TAFA4: variants seen among roughly 807,000 people sequenced by gnomAD.
TAFA4 encodes chemokine-like protein TAFA-4.
A neutral mutation model predicts 21.1 loss-of-function variants in TAFA4; 20 were observed. The observed-to-expected ratio is 0.95, with a 90% CI of 0.67 to 1.38. TAFA4 has a LOEUF of 1.38. TAFA4 is among the 40% of genes most tolerant of loss of function. The pLI is 0.00. For synonymous variants in TAFA4, 71 were observed against 67.4 expected (o/e 1.05, Z -0.26); for missense variants, 211 against 180.9 (o/e 1.17, Z -0.95).
chr3:68,886,338 A>G (rs901990671), intron 1 of TAFA4, among the ~76,000 whole-genome samples: 5 of 152,208 alleles, frequency 3.3e-5, no homozygotes, highest in Admixed American at 3.3e-4. Flanking sequence ...AATGGCTTTA[A>G]ATAGCTGTAT....
At chr3:68,765,647 G>A (rs925766308) in intron 3 of TAFA4, among the ~76,000 whole-genome samples, 3 of 152,198 alleles carry the variant, frequency 2.0e-5, no homozygotes, top group African/African-American at 7.2e-5. Flanking sequence ...GTAACCGCCT[G>A]TGTGTATCTT....
At chr3:68,777,702 G>A (rs561113796) in intron 3 of TAFA4, among the ~76,000 whole-genome samples, 157 of 152,220 alleles carry the variant, frequency 1.0e-3, no homozygotes, top group African/African-American at 3.6e-3. Flanking sequence ...ATAGTAATAT[G>A]CAACAGTCAT....
At chr3:68,820,797 A>G (rs1704096290) in intron 3 of TAFA4, among the ~76,000 whole-genome samples, 1 of 152,230 alleles carries the variant, frequency 6.6e-6, no homozygotes, top group Non-Finnish European at 1.5e-5. Flanking sequence ...GCTATATCAA[A>G]ACATCATTTG....
At chr3:68,921,683 C>CA (rs1418384447) in intron 1 of TAFA4, among the ~76,000 whole-genome samples, 3 of 152,010 alleles carry the variant, frequency 2.0e-5, no homozygotes, top group Non-Finnish European at 4.4e-5. Context: ...TAACATCTGC[C>CA]GAGTCTTAAC....
At chr3:68,757,394 G>A (rs1354401792) in intron 3 of TAFA4, among the ~76,000 whole-genome samples, 2 of 151,720 alleles carry the variant, frequency 1.3e-5, no homozygotes, top group Admixed American at 1.3e-4. Context: ...TCACATTTGG[G>A]GTTAGGACTT....
At chr3:68,882,192 G>A (rs760767597) in intron 2 of TAFA4, among the ~76,000 whole-genome samples, 21 of 152,132 alleles carry the variant, frequency 1.4e-4, no homozygotes, top group Admixed American at 9.8e-4. Flanking sequence ...AATTTGCAAT[G>A]CAGCAATAAA....
intron 5 of TAFA4, among the ~76,000 whole-genome samples, chr3:68,737,081 G>A (rs984381566): frequency 1.3e-5 from 2 of 152,084 alleles, no homozygotes; most frequent in Admixed American, 1.3e-4. Flanking sequence ...GTTCTACCAA[G>A]AGAACTACAG....
chr3:68,820,908 A>G (rs532046973), intron 3 of TAFA4, among the ~76,000 whole-genome samples: 1 of 152,228 alleles, frequency 6.6e-6, no homozygotes, highest in South Asian at 2.1e-4. Context: ...CCATAATTTT[A>G]GAAAATGCAA....
intron 3 of TAFA4, among the ~76,000 whole-genome samples, chr3:68,876,613 G>A (rs1184709276): frequency 1.3e-5 from 2 of 152,068 alleles, no homozygotes; most frequent in Admixed American, 1.3e-4. Flanking sequence ...ATAGGGGACA[G>A]AAAACATGGG....
intron 4 of TAFA4, among the ~76,000 whole-genome samples, chr3:68,749,623 A>G (rs1247508875): frequency 1.3e-5 from 2 of 152,176 alleles, no homozygotes; most frequent in African/African-American, 4.8e-5. Context: ...AACTTCCTAC[A>G]CTTCTCAGTG....
At chr3:68,836,315 AGAAGAGAGT>A (rs1456645940) in intron 3 of TAFA4, among the ~76,000 whole-genome samples, 1 of 152,212 alleles carries the variant, frequency 6.6e-6, no homozygotes, top group East Asian at 1.9e-4. Flanking sequence ...CCAAATGCTG[AGAAGAGAGT>A]GGTGGCTCAA....
intron 3 of TAFA4, among the ~76,000 whole-genome samples, chr3:68,796,386 C>T (rs1208156432): frequency 2.6e-5 from 4 of 152,082 alleles, no homozygotes; most frequent in African/African-American, 9.7e-5. Context: ...ATCCTTTGGC[C>T]TTAGGAACCA....
intron 3 of TAFA4, among the ~76,000 whole-genome samples, chr3:68,775,321 C>G (rs768464365): frequency 2.0e-5 from 3 of 152,194 alleles, no homozygotes; most frequent in South Asian, 2.1e-4. Flanking sequence ...TGGGGATAAG[C>G]TGTCACTGTG....
chr3:68,860,166 T>C (rs973882832), intron 3 of TAFA4, among the ~76,000 whole-genome samples: 2 of 152,296 alleles, frequency 1.3e-5, no homozygotes, highest in African/African-American at 4.8e-5. Context: ...GGTAACCTGC[T>C]GAAATGTTCC....
intron 3 of TAFA4, among the ~76,000 whole-genome samples, chr3:68,788,995 A>G (rs960164932): frequency 1.3e-5 from 2 of 151,970 alleles, no homozygotes; most frequent in African/African-American, 4.8e-5. Context: ...GCACTTTGGG[A>G]GGCTGAGGTG....
intron 3 of TAFA4, among the ~76,000 whole-genome samples, chr3:68,757,194 AT>A (rs1702675046): frequency 1.3e-5 from 2 of 152,116 alleles, no homozygotes; most frequent in Non-Finnish European, 2.9e-5. Context: ...AGCCTGTTCA[AT>A]TCTTGGTGAG....
intron 1 of TAFA4, among the ~76,000 whole-genome samples, chr3:68,931,064 A>G (rs2090153423): frequency 1.3e-5 from 2 of 152,160 alleles, no homozygotes. Flanking sequence ...AGTTTGGGTG[A>G]CCGAGTCTGC....
intron 1 of TAFA4, among the ~76,000 whole-genome samples, chr3:68,897,914 T>G (rs2089808295): frequency 6.6e-6 from 1 of 152,188 alleles, no homozygotes; most frequent in Non-Finnish European, 1.5e-5. Context: ...AGACTGTACC[T>G]CACAGGAAGT....
At chr3:68,871,118 T>A (rs1168459380) in intron 3 of TAFA4, among the ~76,000 whole-genome samples, 2 of 152,058 alleles carry the variant, frequency 1.3e-5, no homozygotes, top group African/African-American at 4.8e-5. Context: ...GGAGTGTAAA[T>A]TAGTTCAACT....
Sources: allele counts gnomAD v4.1 joint callset (sites outside exome capture counted in the v4.1 genomes callset), GRCh38; gene constraint gnomAD v4.1.1; transcripts MANE v1.5; gene names NCBI Gene and HGNC (gene_info 2026-07-23, HGNC 2026-07-21).